EPHX1: variants seen among roughly 807,000 people sequenced by gnomAD.
EPHX1 encodes epoxide hydratase.
A neutral mutation model predicts 43.2 loss-of-function variants in EPHX1; 40 were observed. That is an observed-to-expected ratio of 0.93 (90% CI 0.72 to 1.21). The LOEUF (loss-of-function observed/expected upper bound fraction) is 1.21. EPHX1 is among the 50% of genes most tolerant of loss of function. The probability of loss-of-function intolerance (pLI) is 0.00; values close to 1 mark genes in which losing one functional copy is unlikely to be tolerated. For synonymous variants in EPHX1, 221 were observed against 226.7 expected (o/e 0.98, Z 0.22); for missense variants, 550 against 570.4 (o/e 0.96, Z 0.36).
chr1:225,844,317 G>A lies in EPHX1; in HGVS notation c.1041-181G>A, dbSNP rs56301120. Among the ~76,000 whole-genome samples, 15,553 of 152,106 alleles carry A rather than the reference G, an allele frequency of 0.1. 839 individuals are homozygous for A. Among genetic ancestry groups the A allele is most frequent in the East Asian group, 0.15 (773 of 5,166 alleles). ...AGAGACACTTCAACTAAATCCATGC[G>A]CTCCAGTCTAGTGCCCTGGGCGCAG... On this transcript the variant is annotated intron_variant, in intron 7 of 8. Coordinates refer to ENST00000272167, the MANE Select transcript of EPHX1 (RefSeq NM_001136018.4).
rs1481929059 is a variant in EPHX1 at position 225,838,649 on chromosome 1, C to T, written c.365-5C>T. ...CTCCACCCTGACTGTGCTCTGTCCC[C>T]CCAGGGCTGGACATCCACTTCATCC... On this transcript the variant is annotated splice_region_variant and splice_polypyrimidine_tract_variant and intron_variant, in intron 3 of 8. Coordinates refer to ENST00000272167, the MANE Select transcript of EPHX1 (RefSeq NM_001136018.4). The T allele has an allele frequency of 6.2e-7, 1 of 1,612,270 alleles. No homozygotes were observed. The highest frequency in any genetic ancestry group is 1.1e-5 in the South Asian group (1 of 91,032).
At chr1:225,814,195 A>G (rs1666615480) in intron 1 of EPHX1, among the ~76,000 whole-genome samples, 1 of 152,162 alleles carries the variant, frequency 6.6e-6, no homozygotes, top group Non-Finnish European at 1.5e-5. Context: ...TGAGCCCAGG[A>G]GTTCTGAGAC....
At chr1:225,843,232 G>C (rs1392355669) in intron 7 of EPHX1, among the ~76,000 whole-genome samples, 2 of 152,232 alleles carry the variant, frequency 1.3e-5, no homozygotes, top group Non-Finnish European at 2.9e-5. Context: ...AAGCGGCAGA[G>C]AGGGGAAATG....
At chr1:225,842,291 C>T in intron 6 of EPHX1, 75 bp from the exon 7 acceptor site, 1 of 1,136,690 alleles carries the variant, frequency 8.8e-7, no homozygotes. Context: ...CGGCCAGTGC[C>T]ACACATCACA....
At chr1:225,810,300 G>A (rs1666412184) in intron 1 of EPHX1, 131 bp downstream of exon 1, 1 of 151,852 alleles carries the variant, frequency 6.6e-6, no homozygotes, top group South Asian at 2.1e-4. Flanking sequence ...CGGCCCGCAG[G>A]GGTGCAGAGG....
At chr1:225,811,930 A>T (rs576822031) in intron 1 of EPHX1, among the ~76,000 whole-genome samples, 1 of 152,284 alleles carries the variant, frequency 6.6e-6, no homozygotes, top group African/African-American at 2.4e-5. Flanking sequence ...TGTAAACTAT[A>T]AAGTATGTTA....
rs371433338 is a variant in EPHX1 at position 225,839,833 on chromosome 1, G to A, written c.727G>A (p.Val243Met). The part of the protein sequence containing the change: ...TNMAQLVPSH[V>M]KGLHLNMALV... ...GGCCCCTCTCTCTGCCTTCAGCCAC[G>A]TGAAAGGCCTGCACTTGAACATGGC... The change falls in exon 6 of 9, where the codon GTG becomes ATG. Residue 243 changes from valine to methionine, a missense_variant. By Grantham distance (21) the Val-to-Met change is conservative. Transcript: ENST00000272167. The A allele has an allele frequency of 1.9e-5, 30 of 1,613,768 alleles. No individual in the cohort carries two copies. The highest frequency in any genetic ancestry group is 1.3e-4 in the East Asian group (6 of 44,880).
intron 1 of EPHX1, among the ~76,000 whole-genome samples, chr1:225,816,104 A>G (rs567279841): frequency 6.6e-6 from 1 of 152,306 alleles, no homozygotes; most frequent in Admixed American, 6.5e-5. Flanking sequence ...AGCCTGGCCA[A>G]CATGGCGAAA....
intron 6 of EPHX1, among the ~76,000 whole-genome samples, chr1:225,841,756 C>T (rs1290316336): frequency 6.6e-6 from 1 of 152,004 alleles, no homozygotes; most frequent in East Asian, 1.9e-4. Context: ...CATGCACCAC[C>T]ATGCCCTGCT....
intron 1 of EPHX1, among the ~76,000 whole-genome samples, chr1:225,824,791 T>G (rs1435028454): frequency 6.6e-6 from 1 of 152,168 alleles, no homozygotes; most frequent in Non-Finnish European, 1.5e-5. Context: ...GGACTGTTCA[T>G]GTGGGAGCGC....
chr1:225,839,393 G>A (rs930850246), intron 5 of EPHX1, 47 bp downstream of exon 5: 6 of 1,607,662 alleles, frequency 3.7e-6, no homozygotes, highest in Non-Finnish European at 4.2e-6. Flanking sequence ...GTGTGTGTGT[G>A]TGTGTGTGTC....
rs1379111549 is a variant in EPHX1, at chr1:225,817,818, T to G, written c.-6+7649T>G. 6.6e-6 allele frequency among the ~76,000 whole-genome samples: 1 copy of G among 152,260 alleles called. No individual in the cohort carries two copies. The highest frequency in any genetic ancestry group is 1.5e-5 in the Non-Finnish European group (1 of 68,034). On this transcript the variant is annotated intron_variant, in intron 1 of 8. Coordinates refer to ENST00000272167, the MANE Select transcript of EPHX1 (RefSeq NM_001136018.4). This position sits in a 1 kb window ranked among gnomAD's most constrained non-coding sequence, Gnocchi z 5.7. ...TTGGGCATTCTGCCCTGCAATGCAC[T>G]TAGCCAAGGCCGGGCACATGGCAAG...
At chr1:225,824,714 G>A (rs1032967481) in intron 1 of EPHX1, among the ~76,000 whole-genome samples, 3 of 152,276 alleles carry the variant, frequency 2.0e-5, no homozygotes, top group East Asian at 1.9e-4. Flanking sequence ...GACCCCCTCC[G>A]TCCTCCCCAG....
chr1:225,831,584 G>C (rs1426927136), intron 2 of EPHX1, among the ~76,000 whole-genome samples, 195 bp from the exon 3 acceptor site: 1 of 151,858 alleles, frequency 6.6e-6, no homozygotes, highest in Non-Finnish European at 1.5e-5. Context: ...GAAATGCGAA[G>C]TCTACAGTGA....
chr1:225,818,562 A>G lies in EPHX1; in HGVS notation c.-6+8393A>G, dbSNP rs116819288. Among the ~76,000 whole-genome samples, 899 of 152,286 alleles carry G rather than the reference A, an allele frequency of 5.9e-3. 13 individuals are homozygous for G. The highest frequency in any genetic ancestry group is 0.021 in the African/African-American group (854 of 41,550). On this transcript the variant is annotated intron_variant, in intron 1 of 8. Transcript: ENST00000272167. ...TTCGCCTTCATAAAGCCCCACAGTAAGACAGCATGGTGAGCACAAAACTGA... is the reference window on the plus strand; with the variant it reads ...TTCGCCTTCATAAAGCCCCACAGTAGGACAGCATGGTGAGCACAAAACTGA...
intron 8 of EPHX1, 117 bp from the exon 9 acceptor site, chr1:225,845,029 T>TAAA: frequency 9.1e-7 from 1 of 1,103,730 alleles, no homozygotes; most frequent in Non-Finnish European, 1.4e-6. Flanking sequence ...CTTTTCTTTA[T>TAAA]GGCTCCTTGT....
Position 225,842,396 on chromosome 1 carries a change from T to C in EPHX1, c.962T>C (p.Leu321Pro), listed in dbSNP as rs1488205715. 6.2e-7 allele frequency: 1 copy of C among 1,614,096 alleles called. No homozygotes were observed. The highest frequency in any genetic ancestry group is 8.5e-7 in the Non-Finnish European group (1 of 1,179,892). ...GCTCTGAATGACTCTCCTGTGGGTC[T>C]GGCTGCCTATATTCTAGAGAAGTTT... ...GSALNDSPVG[L>P]AAYILEKFST... is the part of the protein sequence containing the mutation. Residue 321 changes from leucine (L) to proline (P), a missense_variant, in exon 7 of 9, where the codon CTG (leucine) becomes CCG (proline). Transcript: ENST00000272167.
intron 4 of EPHX1, 65 bp from the exon 5 acceptor site, chr1:225,839,152 C>G (rs748867446): frequency 1.2e-4 from 194 of 1,611,336 alleles, no homozygotes; most frequent in Admixed American, 1.7e-4. Flanking sequence ...CATAGAACAC[C>G]AGAGGGCCCA....
intron 5 of EPHX1, 22 bp from the exon 6 acceptor site, chr1:225,839,807 C>G (rs751219112): frequency 1.9e-6 from 3 of 1,611,946 alleles, no homozygotes; most frequent in African/African-American, 1.3e-5. Flanking sequence ...AGCCTCACCC[C>G]GGCCCCTCTC....
Sources: gnomAD v4.1 joint callset for allele counts (sites outside exome capture counted in the v4.1 genomes callset) on GRCh38, gnomAD v4.1.1 for gene constraint, Gnocchi (gnomAD v3.1) non-coding constraint, MANE v1.5 for transcripts, NCBI Gene and HGNC (gene_info 2026-07-23, HGNC 2026-07-21) for gene names.